Variants in GIN1 observed in about 807,000 individuals in gnomAD.
GIN1 encodes the protein gypsy retrotransposon integrase-like protein 1.
A neutral mutation model predicts 51.4 loss-of-function variants in GIN1; 41 were observed. The observed-to-expected ratio is 0.80, with a 90% CI of 0.62 to 1.04. The LOEUF is 1.04. Ranked by LOEUF, GIN1 falls within the 50% of genes least tolerant of loss-of-function variation. The pLI is 0.00. For synonymous variants in GIN1, 222 were observed against 206.5 expected (o/e 1.07, Z -0.64); for missense variants, 610 against 612.4 (o/e 1.00, Z 0.04).
At chr5:103,093,579 A>G (rs969406986) in intron 7 of GIN1, among the ~76,000 whole-genome samples, 1 of 152,226 alleles carries the variant, frequency 6.6e-6, no homozygotes, top group East Asian at 1.9e-4. Context: ...TTAAATCTGT[A>G]GTAATTTGTT....
At chr5:103,099,768 C>A (rs1787517496) in intron 4 of GIN1, among the ~76,000 whole-genome samples, 1 of 152,138 alleles carries the variant, frequency 6.6e-6, no homozygotes, top group African/African-American at 2.4e-5. Context: ...TGTTCTCTTT[C>A]CTTCAGAGGT....
At chr5:103,098,071 C>CG (rs1787459292) in intron 4 of GIN1, among the ~76,000 whole-genome samples, 1 of 152,032 alleles carries the variant, frequency 6.6e-6, no homozygotes, top group Non-Finnish European at 1.5e-5. Context: ...CTAGTAGAGA[C>CG]GGGGTTTCAC....
intron 2 of GIN1, 57 bp from the exon 3 acceptor site, chr5:103,106,966 T>C (rs1173391293): frequency 1.1e-6 from 1 of 913,024 alleles, no homozygotes; most frequent in East Asian, 2.7e-5. Context: ...TACGTAGTTT[T>C]AAGAGAATCA....
At chr5:103,097,225 GCA>G in intron 6 of GIN1, 87 bp downstream of exon 6, 1 of 740,928 alleles carries the variant, frequency 1.3e-6, no homozygotes, top group Non-Finnish European at 2.3e-6. Flanking sequence ...GTGTGTGTGT[GCA>G]TGCACACATG....
At chr5:103,097,224 T>TGC in intron 6 of GIN1, 90 bp downstream of exon 6, 1 of 739,114 alleles carries the variant, frequency 1.4e-6, no homozygotes, top group Non-Finnish European at 2.3e-6. Context: ...TGTGTGTGTG[T>TGC]GCATGCACAC....
At chr5:103,112,414 T>C (rs1172529768) in intron 1 of GIN1, among the ~76,000 whole-genome samples, 5 of 152,228 alleles carry the variant, frequency 3.3e-5, no homozygotes, top group African/African-American at 1.2e-4. Flanking sequence ...AATGATTTAC[T>C]TGACAGAGTG....
rs1283526068 is a variant in GIN1 at position 103,087,307 on chromosome 5, A to G, written c.*591T>C. 6.6e-6 allele frequency: 1 copy of G among 152,188 alleles called. No homozygotes were observed. Among genetic ancestry groups the G allele is most frequent in the African/African-American group, 2.4e-5 (1 of 41,446 alleles). 9.4% of individuals were successfully genotyped at this position (152,188 alleles called of 1,614,324 possible). ...TTTATCTTTAATATATAGTATGAAAATAAACAAATTGTTTCCCAACCAATA... is the reference window on the plus strand; with the variant it reads ...TTTATCTTTAATATATAGTATGAAAGTAAACAAATTGTTTCCCAACCAATA... On this transcript the variant is annotated 3_prime_UTR_variant, in exon 8 of 8. Coordinates refer to ENST00000399004, the MANE Select transcript of GIN1 (RefSeq NM_017676.2).
At chr5:103,116,461 T>A (rs967436249) in intron 1 of GIN1, among the ~76,000 whole-genome samples, 6 of 152,086 alleles carry the variant, frequency 3.9e-5, no homozygotes, top group African/African-American at 1.2e-4. Flanking sequence ...TCAAATGATA[T>A]GTAAAAATTA....
chr5:103,105,230 T>C (rs1161425773), intron 3 of GIN1, among the ~76,000 whole-genome samples: 1 of 152,146 alleles, frequency 6.6e-6, no homozygotes, highest in Non-Finnish European at 1.5e-5. Flanking sequence ...CTGCAGGACT[T>C]CGGTATGAGT....
chr5:103,092,779 CTA>C (rs1385574626), intron 7 of GIN1, among the ~76,000 whole-genome samples: 2 of 151,318 alleles, frequency 1.3e-5, no homozygotes, highest in Non-Finnish European at 2.9e-5. Flanking sequence ...GACCCTGTCT[CTA>C]TAAAAAACGA....
In GIN1 at chr5:103,106,902, C is replaced by CT. The variant is rs782057294; in HGVS notation, c.146dup (p.Leu50AlafsTer30). 15 of 1,547,908 alleles carry CT rather than the reference C, an allele frequency of 9.7e-6. No homozygotes were observed. The highest frequency in any genetic ancestry group is 9.2e-5 in the East Asian group (4 of 43,456). ...TTCTGTCTTTTCCAACATAAAACAG[C>CT]TTTTTTTCTGGAATAAATGATACCA... On this transcript the variant is annotated frameshift_variant, in exon 3 of 8. Coordinates refer to ENST00000399004, the MANE Select transcript of GIN1 (RefSeq NM_017676.2). LOFTEE classifies it high-confidence loss of function.
At position 103,097,524 on chromosome 5, in the gene GIN1, T is replaced by TA. The variant is rs782192581; in HGVS notation, c.832-35dup. 3 of 1,483,644 alleles carry TA rather than the reference T, an allele frequency of 2.0e-6. No individual in the cohort carries two copies. The Admixed American group carries it at 5.6e-5, about 27-fold the overall frequency. 91.9% of individuals were successfully genotyped at this position (1,483,644 alleles called of 1,614,324 possible). Reference sequence around the variant, plus strand: ...AAGAAAATAAACGTCAATTTTGTAATAAAACATTTATCTGGCCAAGAAATA... The same window carrying TA: ...AAGAAAATAAACGTCAATTTTGTAATAAAAACATTTATCTGGCCAAGAAATA... On this transcript the variant is annotated intron_variant, in intron 5 of 7. Coordinates refer to ENST00000399004, the MANE Select transcript of GIN1 (RefSeq NM_017676.2).
Position 103,097,743 on chromosome 5 carries a change from T to C in GIN1, c.678A>G (p.Gln226=), listed in dbSNP as rs1210264451. Reference sequence around the variant, plus strand: ...TTCCAGAGGTGTGAGAAATTACAATTTGCTTTATGCCAAACAATCTGTACA... The same window carrying C: ...TTCCAGAGGTGTGAGAAATTACAATCTGCTTTATGCCAAACAATCTGTACA... ...IELYRLFGIK[Q]IVISHTSGTV... Residue 226 remains glutamine, a synonymous_variant, in exon 5 of 8, where the codon CAA becomes CAG. Coordinates refer to ENST00000399004, the MANE Select transcript of GIN1 (RefSeq NM_017676.2). 2 of 1,581,004 alleles carry C rather than the reference T, an allele frequency of 1.3e-6. No individual in the cohort carries two copies. The highest frequency in any genetic ancestry group is 1.7e-6 in the Non-Finnish European group (2 of 1,149,656).
chr5:103,089,436 TTTCATTCA>T (rs10540235), intron 7 of GIN1, among the ~76,000 whole-genome samples: 20 of 151,600 alleles, frequency 1.3e-4, no homozygotes, highest in South Asian at 8.3e-4. Context: ...TTTACTTATT[TTTCATTCA>T]TTCATTCATT....
intron 1 of GIN1, among the ~76,000 whole-genome samples, chr5:103,113,189 T>A (rs1787934036): frequency 6.6e-6 from 1 of 152,186 alleles, no homozygotes; most frequent in Non-Finnish European, 1.5e-5. Context: ...ACAAATCTTA[T>A]CAAAATATTC....
At chr5:103,110,200 C>CA (rs34396736) in intron 1 of GIN1, among the ~76,000 whole-genome samples, 10,538 of 142,088 alleles carry the variant, frequency 0.074, 473 homozygotes, top group Non-Finnish European at 0.11. Flanking sequence ...AAATAAGACA[C>CA]AAAAAAAAAA....
At chr5:103,113,709 A>G (rs898911395) in intron 1 of GIN1, among the ~76,000 whole-genome samples, 2 of 151,950 alleles carry the variant, frequency 1.3e-5, no homozygotes, top group Non-Finnish European at 2.9e-5. Context: ...TTTAGTAGAG[A>G]TGAGGTTTCA....
At chr5:103,105,214 G>A (rs1787691258) in intron 3 of GIN1, among the ~76,000 whole-genome samples, 1 of 152,076 alleles carries the variant, frequency 6.6e-6, no homozygotes, top group African/African-American at 2.4e-5. Context: ...AGTTTCACAG[G>A]GCTGACTGCA....
At chr5:103,103,631 T>C (rs1442347151) in intron 4 of GIN1, among the ~76,000 whole-genome samples, 1 of 152,216 alleles carries the variant, frequency 6.6e-6, no homozygotes, top group African/African-American at 2.4e-5. Context: ...AGTTTTCATA[T>C]ATATTCTCCC....
Sources: allele counts gnomAD v4.1 joint callset (sites outside exome capture counted in the v4.1 genomes callset), GRCh38; gene constraint gnomAD v4.1.1; transcripts MANE v1.5; gene names NCBI Gene and HGNC (gene_info 2026-07-23, HGNC 2026-07-21).